Variants in CACNG7 observed in about 807,000 individuals in gnomAD.
CACNG7 encodes the protein voltage-dependent calcium channel gamma-7 subunit.
A neutral mutation model predicts 26.3 loss-of-function variants in CACNG7; 9 were observed. That is an observed-to-expected ratio of 0.34 (90% CI 0.21 to 0.60). The LOEUF is 0.60. CACNG7 is among the 20% of genes least tolerant of loss of function. The probability of loss-of-function intolerance (pLI) is 0.81; values close to 1 mark genes in which losing one functional copy is unlikely to be tolerated. For synonymous variants in CACNG7, 170 were observed against 157.0 expected, an observed-to-expected ratio of 1.08 and a Z score of -0.62; for missense variants, 297 against 380.4, an observed-to-expected ratio of 0.78 and a Z score of 1.82.
chr19:53,941,490 T>G lies in CACNG7; in HGVS notation c.445T>G (p.Leu149Val). 3 of 1,583,330 alleles carry G rather than the reference T, an allele frequency of 1.9e-6. No individual in the cohort carries two copies. Among genetic ancestry groups the G allele is most frequent in the Non-Finnish European group, 1.7e-6 (2 of 1,168,734 alleles). ...ILSGLSLVVG[L>V]VLYISSINDE... ...CCTAGGCCTCTCCTTGGTGGTGGGC[T>G]TGGTTCTTTACATCTCCAGCATCAA... Residue 149 changes from leucine to valine, a missense_variant, in exon 5 of 6, where the codon TTG (leucine) becomes GTG (valine). By Grantham distance (32) the Leu-to-Val change is conservative (BLOSUM62 1). Coordinates refer to ENST00000391767, the MANE Select transcript of CACNG7 (RefSeq NM_031896.5).
chr19:53,942,394 C>T lies in CACNG7; in HGVS notation c.*101C>T. The T allele has an allele frequency of 1.3e-6, 2 of 1,518,016 alleles. No individual in the cohort carries two copies. The highest frequency in any genetic ancestry group is 1.8e-6 in the Non-Finnish European group (2 of 1,135,188). The allele number at this position is 1,518,016 out of a possible 1,614,324, so 94.0% of individuals were successfully genotyped here. A position where few individuals can be genotyped will look rare whatever the true frequency, so the allele number is the denominator to read the frequency against. On this transcript the variant is annotated 3_prime_UTR_variant, in exon 6 of 6. Coordinates refer to ENST00000391767, the MANE Select transcript of CACNG7 (RefSeq NM_031896.5). This position sits in a 1 kb window ranked among gnomAD's most constrained non-coding sequence, Gnocchi z 5.9. The stretch of plus-strand genomic sequence containing the variant: ...CTTCCGTCCTCGGGACTCCTCGCTC[C>T]CACCCGGAGGAGGCTGCGCCAGCTT...
intron 4 of CACNG7, among the ~76,000 whole-genome samples, chr19:53,926,312 A>G (rs2145911888): frequency 6.6e-6 from 1 of 152,122 alleles, no homozygotes; most frequent in South Asian, 2.1e-4. Flanking sequence ...CATTGCTTGT[A>G]ACTTCAGCCA....
chr19:53,930,031 A>G (rs2069060348), intron 4 of CACNG7, among the ~76,000 whole-genome samples: 2 of 149,592 alleles, frequency 1.3e-5, no homozygotes, highest in Admixed American at 6.7e-5. Flanking sequence ...CTAATAAAAA[A>G]GTAACAAATA....
chr19:53,925,857 G>C (rs1009230735), intron 4 of CACNG7, among the ~76,000 whole-genome samples: 1 of 152,214 alleles, frequency 6.6e-6, no homozygotes, highest in Non-Finnish European at 1.5e-5. Context: ...GGCCATGTGA[G>C]AGAGGGATAT....
chr19:53,941,719 G>A (rs2069138559), intron 5 of CACNG7, 104 bp downstream of exon 5: 1 of 1,362,192 alleles, frequency 7.3e-7, no homozygotes, highest in East Asian at 2.4e-5. Flanking sequence ...TGCAGACTCT[G>A]GCGTCAGAGG....
At chr19:53,927,859 G>GA (rs370533003) in intron 4 of CACNG7, among the ~76,000 whole-genome samples, 3,377 of 147,360 alleles carry the variant, frequency 0.023, 125 homozygotes, top group African/African-American at 0.08. Flanking sequence ...AAAAAGGAAA[G>GA]AAAAAAAGAA....
chr19:53,915,383 C>T lies in CACNG7; in HGVS notation c.302C>T (p.Thr101Ile). ...ENILKTVRTA[T>I]PFPMVSLFLV... ...TCCCCAGAGACAGTGCGCACGGCCA[C>T]CCCCTTCCCCATGGTCAGCCTCTTC... Residue 101 changes from threonine (T) to isoleucine (I), a missense_variant, in exon 4 of 6, where the codon ACC becomes ATC. Coordinates refer to ENST00000391767, the MANE Select transcript of CACNG7 (RefSeq NM_031896.5). 6.2e-7 allele frequency: 1 copy of T among 1,613,878 alleles called. No individual in the cohort carries two copies. The highest frequency in any genetic ancestry group is 1.1e-5 in the South Asian group (1 of 91,080).
At chr19:53,935,174 T>C (rs2145917864) in intron 4 of CACNG7, among the ~76,000 whole-genome samples, 1 of 152,276 alleles carries the variant, frequency 6.6e-6, no homozygotes, top group Admixed American at 6.5e-5. Flanking sequence ...TGCAAACACT[T>C]CACTAGTTCA....
Position 53,914,546 on chromosome 19 carries a change from G to C in CACNG7, c.243G>C (p.Pro81=). ...RCVASEYFLE[P]EINLVTENTE... ...TGGCCTCAGAATATTTTCTTGAACC[G>C]GAGATCAATTTGGTGACGGAAAACA... Residue 81 remains proline (P), a synonymous_variant, in exon 3 of 6, where the codon CCG becomes CCC. Coordinates refer to ENST00000391767, the MANE Select transcript of CACNG7 (RefSeq NM_031896.5). 1 of 1,614,090 alleles carries C rather than the reference G, an allele frequency of 6.2e-7. No individual in the cohort carries two copies. The highest frequency in any genetic ancestry group is 2.2e-5 in the East Asian group (1 of 44,872).
Position 53,939,693 on chromosome 19 carries a change from C to G in CACNG7, c.425-1777C>G, listed in dbSNP as rs562965643. On this transcript the variant is annotated intron_variant, in intron 4 of 5. Transcript: ENST00000391767. The surrounding 1 kb of genome is among the most constrained non-coding windows in gnomAD (Gnocchi z 4.2). ...ATTCATCAGCTGATGGGCATTTGGG[C>G]TGTTTCCGCTTTTTGGCTATTACGC... is the stretch of plus-strand genomic sequence containing the variant. 3.2e-4 allele frequency among the ~76,000 whole-genome samples: 48 copies of G among 152,250 alleles called. No individual in the cohort carries two copies. Among genetic ancestry groups the G allele is most frequent in the African/African-American group, 1.1e-3 (46 of 41,550 alleles).
chr19:53,919,332 T>C (rs1159108156), intron 4 of CACNG7, among the ~76,000 whole-genome samples: 1 of 152,218 alleles, frequency 6.6e-6, no homozygotes, highest in Non-Finnish European at 1.5e-5. Flanking sequence ...GACCTGGTCA[T>C]TGGTGGAGTT....
At chr19:53,911,411 G>A (rs57831608) in intron 1 of CACNG7, among the ~76,000 whole-genome samples, 5,281 of 152,112 alleles carry the variant, frequency 0.035, 258 homozygotes, top group African/African-American at 0.12. Context: ...CGAGATTCTG[G>A]TTCTATGTCT....
chr19:53,921,849 G>C (rs1390853041), intron 4 of CACNG7, among the ~76,000 whole-genome samples: 1 of 91,618 alleles, frequency 1.1e-5, no homozygotes, highest in Non-Finnish European at 1.9e-5. Context: ...TGGTGGAGTT[G>C]TCCCAGGCTG....
intron 4 of CACNG7, among the ~76,000 whole-genome samples, chr19:53,921,969 T>G (rs1451353788): frequency 1.3e-5 from 1 of 79,656 alleles, no homozygotes; most frequent in Admixed American, 1.2e-4. Context: ...CCAGGCCTGG[T>G]CATTGGTGGA....
At chr19:53,922,697 C>G (rs2068972110) in intron 4 of CACNG7, among the ~76,000 whole-genome samples, 1 of 69,264 alleles carries the variant, frequency 1.4e-5, no homozygotes, top group Non-Finnish European at 2.4e-5. Flanking sequence ...TGCCCCAGGT[C>G]TGGTCATTGG....
Position 53,913,042 on chromosome 19 carries a change from C to T in CACNG7, c.196+15C>T, listed in dbSNP as rs371890578. ...CTTCTTTGCAGGTACAGCCCTCACCCGTCTTCCACTCAACAGTTTCTGCCT... is the reference window on the plus strand; with the variant it reads ...CTTCTTTGCAGGTACAGCCCTCACCTGTCTTCCACTCAACAGTTTCTGCCT... On this transcript the variant is annotated intron_variant, in intron 2 of 5. Transcript: ENST00000391767. 2.8e-5 allele frequency: 44 copies of T among 1,598,606 alleles called. No homozygotes were observed. The highest frequency in any genetic ancestry group is 5.0e-5 in the Admixed American group (3 of 59,588).
At chr19:53,921,517 G>C (rs2068951962) in intron 4 of CACNG7, among the ~76,000 whole-genome samples, 4 of 148,672 alleles carry the variant, frequency 2.7e-5, no homozygotes, top group Admixed American at 6.6e-5. Context: ...TCTGGTATTG[G>C]TGGAGTTGCC....
chr19:53,921,577 T>TGCCCCAGGCTGGTCATTGGTGGAGTC (rs1568774497), intron 4 of CACNG7, among the ~76,000 whole-genome samples: 3 of 117,516 alleles, frequency 2.6e-5, no homozygotes. Flanking sequence ...TTGGTGGAGT[T>TGCCCCAGGCTGGTCATTGGTGGAGTC]GCCCCAGGTC....
In CACNG7 at chr19:53,942,291, T is replaced by A; in HGVS notation, c.826T>A (p.Ter276ArgextTer16). The A allele has an allele frequency of 6.2e-7, 1 of 1,608,296 alleles. No individual in the cohort carries two copies. ...DHLHISTSPC[*>R] ...CCTGCACATCTCCACCTCGCCCTGC[T>A]GAGGCCCGCCCCTCGGAGCTCCCCC... Residue 276 changes from the stop codon to arginine, a stop_lost, in exon 6 of 6, where the codon TGA (stop) becomes AGA (arginine). Coordinates refer to ENST00000391767, the MANE Select transcript of CACNG7 (RefSeq NM_031896.5). This position sits in a 1 kb window ranked among gnomAD's most constrained non-coding sequence, Gnocchi z 5.9.
Sources: gnomAD v4.1 joint callset for allele counts (sites outside exome capture counted in the v4.1 genomes callset) on GRCh38, gnomAD v4.1.1 for gene constraint, Gnocchi (gnomAD v3.1) non-coding constraint, MANE v1.5 for transcripts, NCBI Gene and HGNC (gene_info 2026-07-23, HGNC 2026-07-21) for gene names.